KNTC1: variants seen among roughly 807,000 people sequenced by gnomAD.
The protein encoded by KNTC1 is kinetochore associated 1, also known as kinetochore-associated protein 1.
KNTC1 carries 253 observed loss-of-function variants against 314.4 expected under a neutral mutation model. That is an observed-to-expected ratio of 0.80 (90% CI 0.73 to 0.89). The LOEUF (loss-of-function observed/expected upper bound fraction) is 0.89, where lower values mean the gene tolerates loss of function less well. Ranked by LOEUF, KNTC1 falls within the 40% of genes least tolerant of loss-of-function variation. The pLI is 0.00. For missense variants in KNTC1, 2,475 were observed against 2,572.9 expected (o/e 0.96, Z 0.82); for synonymous variants, 901 against 901.4 (o/e 1.00, Z 0.01).
intron 2 of KNTC1, 44 bp downstream of exon 2, chr12:122,530,236 T>C: frequency 6.3e-7 from 1 of 1,587,922 alleles, no homozygotes; most frequent in Non-Finnish European, 8.6e-7. Flanking sequence ...GAATTTTTAC[T>C]GAGTGCTTAG....
chr12:122,583,218 G>C (rs993492541), intron 34 of KNTC1, among the ~76,000 whole-genome samples: 1 of 151,558 alleles, frequency 6.6e-6, no homozygotes, highest in African/African-American at 2.4e-5. Context: ...GGCTGAGGCA[G>C]GATCGTGGCG....
intron 49 of KNTC1, 49 bp downstream of exon 49, chr12:122,604,686 T>C (rs771284811): frequency 1.7e-5 from 23 of 1,365,058 alleles, no homozygotes; most frequent in Non-Finnish European, 2.2e-5. Flanking sequence ...CTAATTAAAT[T>C]GTACTAGCTT....
chr12:122,621,342 C>G (rs529211448), intron 60 of KNTC1, among the ~76,000 whole-genome samples: 1 of 152,114 alleles, frequency 6.6e-6, no homozygotes, highest in Non-Finnish European at 1.5e-5. Flanking sequence ...TGCATTCAGG[C>G]TTTTTCGTTT....
rs376028299 is a variant in KNTC1 at position 122,605,049 on chromosome 12, A to G, written c.5348A>G (p.Asn1783Ser). ...AGTCTCTACGAACATCCTAGCATCA[A>G]TCAAAGAATTCAGAATTCATCTGGC... is the stretch of plus-strand genomic sequence containing the variant. ...IVSLYEHPSI[N>S]QRIQNSSGTD... Residue 1783 changes from asparagine (N) to serine (S), a missense_variant, in exon 50 of 64, where the codon AAT becomes AGT. Physicochemically the swap from Asn to Ser is conservative, Grantham distance 46. Transcript: ENST00000333479. The G allele has an allele frequency of 3.0e-5, 48 of 1,612,708 alleles. No homozygotes were observed. Among genetic ancestry groups the G allele is most frequent in the Non-Finnish European group, 3.8e-5 (45 of 1,179,510 alleles).
intron 51 of KNTC1, among the ~76,000 whole-genome samples, chr12:122,608,882 A>T (rs1872802881): frequency 6.6e-6 from 1 of 151,678 alleles, no homozygotes; most frequent in Non-Finnish European, 1.5e-5. Context: ...GCATAGTGAG[A>T]CCCCCATCTC....
At chr12:122,591,293 C>G in intron 41 of KNTC1, 44 bp from the exon 42 acceptor site, 2 of 965,422 alleles carry the variant, frequency 2.1e-6, no homozygotes, top group Non-Finnish European at 3.4e-6. Flanking sequence ...TATAAGAATA[C>G]ATTCTACTTA....
In KNTC1 at chr12:122,544,153, T is replaced by C. The variant is rs367582889; in HGVS notation, c.559-6T>C. On this transcript the variant is annotated splice_region_variant and splice_polypyrimidine_tract_variant and intron_variant, in intron 7 of 63. Coordinates refer to ENST00000333479, the MANE Select transcript of KNTC1 (RefSeq NM_014708.6). ...ATATATGACGTTGTTGTTTTTAATT[T>C]TGCAGTTACAAGGACAAATCAAGTC... 4.6e-5 allele frequency: 58 copies of C among 1,273,778 alleles called. No individual in the cohort carries two copies. Among genetic ancestry groups the C allele is most frequent in the African/African-American group, 7.6e-5 (5 of 65,898 alleles). 78.9% of individuals were successfully genotyped at this position (1,273,778 alleles called of 1,614,324 possible).
intron 11 of KNTC1, 120 bp downstream of exon 11, chr12:122,547,650 C>CAGAG (rs753498771): frequency 1.4e-6 from 1 of 728,736 alleles, no homozygotes; most frequent in Non-Finnish European, 2.3e-6. Context: ...AACAGTCTGA[C>CAGAG]AGAGTAAAGA....
chr12:122,587,307 T>G (rs983996583), intron 38 of KNTC1, among the ~76,000 whole-genome samples: 4 of 152,204 alleles, frequency 2.6e-5, no homozygotes, highest in African/African-American at 4.8e-5. Context: ...TTCTAGAAAT[T>G]TCTTGAAATT....
At chr12:122,554,971 G>A (rs1173361415) in intron 16 of KNTC1, among the ~76,000 whole-genome samples, 2 of 152,124 alleles carry the variant, frequency 1.3e-5, no homozygotes, top group African/African-American at 2.4e-5. Context: ...CTTGAGCCCG[G>A]GAGTTCCAGG....
Position 122,569,689 on chromosome 12 carries a change from T to G in KNTC1, c.1725T>G (p.Phe575Leu), listed in dbSNP as rs777275248. The change falls in exon 22 of 64, where the codon TTT becomes TTG. Residue 575 changes from phenylalanine to leucine, a missense_variant. Phe to Leu is a conservative substitution (Grantham distance 22, BLOSUM62 0). Coordinates refer to ENST00000333479, the MANE Select transcript of KNTC1 (RefSeq NM_014708.6). Reference sequence around the variant, plus strand: ...CGCTCCTTATAATTTAGGCAAACTTTGAAAGCAGATTTGATGTGAAAATGC... The same window carrying G: ...CGCTCCTTATAATTTAGGCAAACTTGGAAAGCAGATTTGATGTGAAAATGC... ...QYLWLRHRAN[F>L]ESRFDVKMLE... 1 of 1,610,102 alleles carries G rather than the reference T, an allele frequency of 6.2e-7. No individual in the cohort carries two copies. The highest frequency in any genetic ancestry group is 8.5e-7 in the Non-Finnish European group (1 of 1,178,478).
chr12:122,573,304 C>A lies in KNTC1; in HGVS notation c.2283+19C>A. 1.9e-6 allele frequency: 3 copies of A among 1,607,070 alleles called. No homozygotes were observed. Among genetic ancestry groups the A allele is most frequent in the Non-Finnish European group, 2.6e-6 (3 of 1,174,900 alleles). On this transcript the variant is annotated intron_variant, in intron 26 of 63. Coordinates refer to ENST00000333479, the MANE Select transcript of KNTC1 (RefSeq NM_014708.6). ...CATAGAGGTAACTTTTCCTTTACAT[C>A]TAGTCTTATTTCTTGGATCTATGCA... is the stretch of plus-strand genomic sequence containing the variant.
intron 57 of KNTC1, among the ~76,000 whole-genome samples, chr12:122,617,994 T>C (rs1170703563): frequency 6.6e-6 from 1 of 152,176 alleles, no homozygotes; most frequent in African/African-American, 2.4e-5. Context: ...TAGGCTGCAA[T>C]TTAAAGAGAG....
intron 20 of KNTC1, 135 bp from the exon 21 acceptor site, chr12:122,568,126 G>A (rs1964463209): frequency 8.5e-6 from 5 of 591,412 alleles, no homozygotes; most frequent in African/African-American, 1.9e-5. Flanking sequence ...CTTTGGAACT[G>A]GGTTTTTTTT....
At chr12:122,601,384 C>A (rs1241507589) in intron 44 of KNTC1, among the ~76,000 whole-genome samples, 152 bp from the exon 45 acceptor site, 1 of 152,098 alleles carries the variant, frequency 6.6e-6, no homozygotes, top group East Asian at 1.9e-4. Flanking sequence ...CGTGCCCGGC[C>A]GATTGTAGCT....
chr12:122,540,020 G>A (rs1565933095), intron 5 of KNTC1, among the ~76,000 whole-genome samples: 1 of 151,516 alleles, frequency 6.6e-6, no homozygotes, highest in African/African-American at 2.4e-5. Flanking sequence ...CCTCAAGTGA[G>A]TGATCCACCT....
rs140319584 is a variant in KNTC1 at position 122,586,193 on chromosome 12, G to A, written c.3673+419G>A. Among the ~76,000 whole-genome samples the A allele has an allele frequency of 7.4e-3, 1,123 of 152,046 alleles. 15 individuals are homozygous for A. Among genetic ancestry groups the A allele is most frequent in the African/African-American group, 0.026 (1,076 of 41,484 alleles). On this transcript the variant is annotated intron_variant, in intron 37 of 63. Transcript: ENST00000333479. ...TGCCTCCTGGGTTCAAGCAATTATC[G>A]TGCCTCAGCCTCCCAGGTAGCTGGA...
rs1176173441 is a variant in KNTC1, at chr12:122,613,875, C to G, written c.5877+114C>G. 2.6e-6 allele frequency: 3 copies of G among 1,133,300 alleles called. No homozygotes were observed. In the African/African-American group the frequency reaches 4.8e-5, roughly 18 times the overall value. The allele number at this position is 1,133,300 out of a possible 1,614,324, so 70.2% of individuals were successfully genotyped here. ...TTGTTGTTGGGGACAGAGTTTTGCT[C>G]TGTTGCCCAGGCTGGAGTACAGTGG... On this transcript the variant is annotated intron_variant, in intron 55 of 63. Coordinates refer to ENST00000333479, the MANE Select transcript of KNTC1 (RefSeq NM_014708.6).
In KNTC1 at chr12:122,584,290, G is replaced by A. The variant is rs1191790149; in HGVS notation, c.3276G>A (p.Lys1092=). The A allele has an allele frequency of 1.9e-6, 3 of 1,610,802 alleles. No individual in the cohort carries two copies. Among genetic ancestry groups the A allele is most frequent in the South Asian group, 1.1e-5 (1 of 90,478 alleles). Residue 1092 remains lysine (K), a synonymous_variant, in exon 35 of 64, where the codon AAG becomes AAA. Transcript: ENST00000333479. ...CTTTCTTCCAAAGCGACTTGTTTAAGTATCACTGCAATGCTGACACTGGGA... is the reference window on the plus strand; with the variant it reads ...CTTTCTTCCAAAGCGACTTGTTTAAATATCACTGCAATGCTGACACTGGGA... The part of the protein sequence containing the change: ...TALKKCSDLF[K]YHCNADTGKL...
Sources: allele counts gnomAD v4.1 joint callset (sites outside exome capture counted in the v4.1 genomes callset), GRCh38; gene constraint gnomAD v4.1.1; transcripts MANE v1.5; gene names NCBI Gene and HGNC (gene_info 2026-07-23, HGNC 2026-07-21).